PLCH1: variants seen among roughly 807,000 people sequenced by gnomAD.
PLCH1 encodes 1-phosphatidylinositol 4,5-bisphosphate phosphodiesterase eta-1.
PLCH1 carries 60 observed loss-of-function variants against 126.7 expected under a neutral mutation model. The ratio of observed to expected loss-of-function variants is 0.47; its 90% CI spans 0.38 to 0.59. The LOEUF (loss-of-function observed/expected upper bound fraction) is 0.59, where lower values mean the gene tolerates loss of function less well. Ranked by LOEUF, PLCH1 falls within the 20% of genes least tolerant of loss-of-function variation. The pLI is 0.00. For synonymous variants in PLCH1, 719 were observed against 734.9 expected (o/e 0.98, Z 0.35); for missense variants, 1,723 against 2,040.0 (o/e 0.84, Z 2.99).
intron 7 of PLCH1, among the ~76,000 whole-genome samples, chr3:155,566,775 C>A (rs2108523404): frequency 6.6e-6 from 1 of 152,090 alleles, no homozygotes; most frequent in South Asian, 2.1e-4. Context: ...GAGGTTTTCA[C>A]TAATATAACA....
intron 10 of PLCH1, among the ~76,000 whole-genome samples, chr3:155,534,400 T>C (rs1392867036): frequency 6.6e-6 from 1 of 152,196 alleles, no homozygotes; most frequent in Non-Finnish European, 1.5e-5. Flanking sequence ...CGATGTCTCC[T>C]TTTTGGAATG....
chr3:155,591,733 G>T (rs771110533), intron 4 of PLCH1, among the ~76,000 whole-genome samples: 1 of 151,972 alleles, frequency 6.6e-6, no homozygotes, highest in Admixed American at 6.6e-5. Flanking sequence ...AATCTTCAGG[G>T]TTTTTTTGTT....
intron 4 of PLCH1, among the ~76,000 whole-genome samples, 183 bp from the exon 5 acceptor site, chr3:155,586,377 C>T (rs1731376323): frequency 6.6e-6 from 1 of 152,140 alleles, no homozygotes; most frequent in Non-Finnish European, 1.5e-5. Context: ...ATGACAACAA[C>T]AAACCAGGAA....
At chr3:155,653,341 T>A (rs1303858577) in intron 2 of PLCH1, among the ~76,000 whole-genome samples, 2 of 152,184 alleles carry the variant, frequency 1.3e-5, no homozygotes, top group Non-Finnish European at 2.9e-5. Flanking sequence ...TTTGTTTCGT[T>A]TTGTTTTCTT....
At chr3:155,607,048 G>A (rs887859099) in intron 2 of PLCH1, among the ~76,000 whole-genome samples, 3 of 152,152 alleles carry the variant, frequency 2.0e-5, no homozygotes, top group Non-Finnish European at 4.4e-5. Context: ...ACAAAATGGT[G>A]TGAACTTTAA....
intron 9 of PLCH1, 132 bp downstream of exon 9, chr3:155,553,944 G>A (rs1576997328): frequency 1.5e-6 from 1 of 679,294 alleles, no homozygotes; most frequent in African/African-American, 1.8e-5. Flanking sequence ...CTGAGAAGGA[G>A]GGAGAAAACT....
At position 155,481,144 on chromosome 3, in the gene PLCH1, C is replaced by G; in HGVS notation, c.4882G>C (p.Ala1628Pro). Reference sequence around the variant, plus strand: ...CCTTTCGTGTTCTTCAGGTAGCCTGCGATGTAGGAGCCGGTGGAGTGGCGA... The same window carrying G: ...CCTTTCGTGTTCTTCAGGTAGCCTGGGATGTAGGAGCCGGTGGAGTGGCGA... ...VNRHSTGSYI[A>P]GYLKNTKGGG... The change falls in exon 23 of 23, where the codon GCA becomes CCA. Residue 1628 changes from alanine to proline, a missense_variant. By Grantham distance (27) the Ala-to-Pro change is conservative. Transcript: ENST00000460012. This position sits in a 1 kb window ranked among gnomAD's most constrained non-coding sequence, Gnocchi z 4.2. 1 of 1,614,168 alleles carries G rather than the reference C, an allele frequency of 6.2e-7. No homozygotes were observed. Among genetic ancestry groups the G allele is most frequent in the South Asian group, 1.1e-5 (1 of 91,084 alleles).
At chr3:155,513,463 G>T (rs1719884575) in intron 12 of PLCH1, among the ~76,000 whole-genome samples, 1 of 152,086 alleles carries the variant, frequency 6.6e-6, no homozygotes, top group South Asian at 2.1e-4. Context: ...AATCTAGGAT[G>T]GGGCAAAGAC....
intron 1 of PLCH1, among the ~76,000 whole-genome samples, chr3:155,717,059 A>C (rs1443672960): frequency 6.6e-6 from 1 of 152,272 alleles, no homozygotes; most frequent in Non-Finnish European, 1.5e-5. Context: ...CACAGGCCCC[A>C]TGCAAGCTCA....
At chr3:155,696,947 C>G (rs1336955980) in intron 2 of PLCH1, among the ~76,000 whole-genome samples, 1 of 152,220 alleles carries the variant, frequency 6.6e-6, no homozygotes, top group African/African-American at 2.4e-5. Flanking sequence ...AAAGAATGAA[C>G]ACTGTCACTT....
At chr3:155,555,659 G>A (rs1371522214) in intron 8 of PLCH1, among the ~76,000 whole-genome samples, 7 of 152,168 alleles carry the variant, frequency 4.6e-5, no homozygotes, top group African/African-American at 1.7e-4. Flanking sequence ...TCACAGGCTT[G>A]TTCTTCTGGT....
Position 155,458,571 on chromosome 3 carries a change from AAAGAAAGAAAGG to A in PLCH1, c.2938+26773_2938+26784del, listed in dbSNP as rs1282495638. ...GAAAGAAAGAGAAAAAGAAAGAAAG[AAAGAAAGAAAGG>A]AAGAAAGAAAGAAACCATGTTTAGA... On this transcript the variant is annotated intron_variant, in intron 21 of 21. Coordinates refer to the PLCH1 transcript ENST00000494598. Among the ~76,000 whole-genome samples, 51 of 151,730 alleles carry A rather than the reference AAAGAAAGAAAGG, an allele frequency of 3.4e-4. 1 individual carries two copies. The highest frequency in any genetic ancestry group is 1.2e-3 in the African/African-American group (51 of 41,350).
intron 2 of PLCH1, among the ~76,000 whole-genome samples, chr3:155,696,100 T>A (rs1245955964): frequency 6.6e-6 from 1 of 152,100 alleles, no homozygotes; most frequent in Non-Finnish European, 1.5e-5. Flanking sequence ...AGCATAGACA[T>A]GGGAACTGAA....
chr3:155,623,580 C>A (rs929761165), intron 2 of PLCH1, among the ~76,000 whole-genome samples: 1 of 152,184 alleles, frequency 6.6e-6, no homozygotes, highest in South Asian at 2.1e-4. Context: ...GGGGAGATCA[C>A]CAACAATCCC....
At position 155,629,561 on chromosome 3, in the gene PLCH1, T is replaced by G. The variant is rs531579759; in HGVS notation, c.80-33183A>C. Among the ~76,000 whole-genome samples, 27 of 152,344 alleles carry G rather than the reference T, an allele frequency of 1.8e-4. 1 individual carries two copies. Among genetic ancestry groups the G allele is most frequent in the South Asian group, 1.7e-3 (8 of 4,828 alleles). On this transcript the variant is annotated intron_variant, in intron 2 of 22. Coordinates refer to ENST00000460012, the MANE Select transcript of PLCH1 (RefSeq NM_014996.4). The stretch of plus-strand genomic sequence containing the variant: ...ATTATTTAAAATCCAAACCAAAGAT[T>G]CATGATTGTTTCCTTTCTCCATCCT...
intron 11 of PLCH1, among the ~76,000 whole-genome samples, chr3:155,515,258 C>T (rs577955679): frequency 2.0e-5 from 3 of 152,340 alleles, no homozygotes; most frequent in African/African-American, 7.2e-5. Context: ...AAACTCAGGA[C>T]TCCAAAGCCC....
chr3:155,596,347 C>T lies in PLCH1; in HGVS notation c.111G>A (p.Gly37=). Residue 37 remains glycine (G), a synonymous_variant, in exon 3 of 23, where the codon GGG becomes GGA. Coordinates refer to ENST00000460012, the MANE Select transcript of PLCH1 (RefSeq NM_014996.4). ...CACGTTTCAGCTTGATCATCTGTGT[C>T]CCGGACTGCATCACACTCATGCATC... ...VERCMSVMQS[G]TQMIKLKRGT... The T allele has an allele frequency of 1.2e-6, 2 of 1,613,478 alleles. No individual in the cohort carries two copies. The highest frequency in any genetic ancestry group is 8.5e-7 in the Non-Finnish European group (1 of 1,179,704).
intron 21 of PLCH1, among the ~76,000 whole-genome samples, chr3:155,471,996 C>G (rs1201876700): frequency 6.6e-6 from 1 of 151,772 alleles, no homozygotes; most frequent in Non-Finnish European, 1.5e-5. Flanking sequence ...AAATTGACAC[C>G]CCAACATCAC....
chr3:155,712,482 C>T (rs1327214569), intron 1 of PLCH1, among the ~76,000 whole-genome samples: 2 of 151,878 alleles, frequency 1.3e-5, no homozygotes, highest in African/African-American at 4.8e-5. Flanking sequence ...TTGTTCAAGC[C>T]ACTTGAATGG....
Sources: gnomAD v4.1 joint callset for allele counts (sites outside exome capture counted in the v4.1 genomes callset) on GRCh38, gnomAD v4.1.1 for gene constraint, Gnocchi (gnomAD v3.1) non-coding constraint, MANE v1.5 for transcripts, NCBI Gene and HGNC (gene_info 2026-07-23, HGNC 2026-07-21) for gene names.